MEGF11: variants seen among roughly 807,000 people sequenced by gnomAD.
MEGF11 encodes multiple epidermal growth factor-like domains protein 11.
In MEGF11, 126 loss-of-function variants were observed where a neutral mutation model predicts 146.6. That is an observed-to-expected ratio of 0.86 (90% CI 0.74 to 1.00). The LOEUF (loss-of-function observed/expected upper bound fraction) is 1.00, where lower values mean the gene tolerates loss of function less well. Among genes scored for constraint, MEGF11 ranks in the 50% least tolerant of loss-of-function variants. MEGF11 has a pLI of 0.00. For synonymous variants in MEGF11, 532 were observed against 583.4 expected, an observed-to-expected ratio of 0.91 and a Z score of 1.27; for missense variants, 1,509 against 1,521.2, an observed-to-expected ratio of 0.99 and a Z score of 0.13.
chr15:65,901,109 T>G (rs928763794), intron 24 of MEGF11, among the ~76,000 whole-genome samples: 1 of 152,222 alleles, frequency 6.6e-6, no homozygotes, highest in Non-Finnish European at 1.5e-5. Context: ...GACTGTGACC[T>G]GCCCAAACCA....
intron 5 of MEGF11, among the ~76,000 whole-genome samples, chr15:65,997,510 T>C (rs186293151): frequency 9.3e-4 from 141 of 152,316 alleles, no homozygotes; most frequent in African/African-American, 3.2e-3. Flanking sequence ...TCTTCTTGGA[T>C]TACCCTTTCC....
chr15:65,921,056 GC>G (rs1191109055), intron 15 of MEGF11, among the ~76,000 whole-genome samples: 1 of 152,142 alleles, frequency 6.6e-6, no homozygotes, highest in Non-Finnish European at 1.5e-5. Flanking sequence ...TTTCTCTGGG[GC>G]TCAAACTTCT....
chr15:66,088,053 T>C (rs1057041367), intron 5 of MEGF11, among the ~76,000 whole-genome samples: 6 of 152,226 alleles, frequency 3.9e-5, no homozygotes, highest in African/African-American at 1.4e-4. Flanking sequence ...CCCACCTTTA[T>C]GCACATAAAC....
chr15:65,995,070 T>G (rs1041810468), intron 5 of MEGF11, among the ~76,000 whole-genome samples: 3 of 152,120 alleles, frequency 2.0e-5, no homozygotes, highest in Non-Finnish European at 4.4e-5. Flanking sequence ...CCTTGTGTAA[T>G]GAGTGGGATT....
intron 21 of MEGF11, among the ~76,000 whole-genome samples, chr15:65,911,002 C>T (rs2078787069): frequency 6.6e-6 from 1 of 152,198 alleles, no homozygotes; most frequent in South Asian, 2.1e-4. Context: ...CCCACTCTGC[C>T]TGGTATGGGT....
At position 66,231,318 on chromosome 15, in the gene MEGF11, CT is replaced by C. The variant is rs528381372; in HGVS notation, c.-9+22286del. Among the ~76,000 whole-genome samples, 29 of 152,020 alleles carry C rather than the reference CT, an allele frequency of 1.9e-4. No homozygotes were observed. The South Asian group carries it at 5.9e-3, about 31-fold the overall frequency. ...AGGAGTGTGCTGCAGATGAACCCCC[CT>C]GAGGGCTGACAGAAGTAGGACACAT... On this transcript the variant is annotated intron_variant, in intron 1 of 25. Transcript: ENST00000395614.
intron 10 of MEGF11, among the ~76,000 whole-genome samples, chr15:65,943,649 C>T (rs376312969): frequency 5.2e-4 from 79 of 152,224 alleles, no homozygotes; most frequent in African/African-American, 1.9e-3. Flanking sequence ...TCACCCCCTA[C>T]GTGATCCATG....
At chr15:66,077,625 G>A (rs111890484) in intron 5 of MEGF11, among the ~76,000 whole-genome samples, 73 of 152,306 alleles carry the variant, frequency 4.8e-4, no homozygotes, top group African/African-American at 1.5e-3. Context: ...GTGCCAGGCA[G>A]CATGAGGTGC....
intron 5 of MEGF11, among the ~76,000 whole-genome samples, chr15:66,082,663 ACTCTGTCT>A (rs1483671569): frequency 9.3e-5 from 11 of 117,902 alleles, no homozygotes; most frequent in Non-Finnish European, 1.5e-4. Context: ...ATGGAGCAAG[ACTCTGTCT>A]CAAAAAAAAA....
At chr15:65,920,427 C>A (rs1476413412) in intron 15 of MEGF11, among the ~76,000 whole-genome samples, 1 of 152,230 alleles carries the variant, frequency 6.6e-6, no homozygotes, top group Non-Finnish European at 1.5e-5. Context: ...ATCCCCAAGT[C>A]CTGGCCCTCT....
chr15:66,246,847 T>C (rs2092302991), intron 1 of MEGF11, among the ~76,000 whole-genome samples: 5 of 151,912 alleles, frequency 3.3e-5, no homozygotes, highest in Admixed American at 2.0e-4. Context: ...AATCAGGAGA[T>C]GAAACGTGGC....
At chr15:66,057,989 G>GTT (rs1402766203) in intron 5 of MEGF11, among the ~76,000 whole-genome samples, 2 of 152,184 alleles carry the variant, frequency 1.3e-5, no homozygotes, top group Non-Finnish European at 2.9e-5. Flanking sequence ...CACACAAAAA[G>GTT]AATTTAGAAA....
chr15:66,159,484 C>T (rs570327350), intron 1 of MEGF11, among the ~76,000 whole-genome samples: 10 of 152,284 alleles, frequency 6.6e-5, no homozygotes, highest in Non-Finnish European at 1.5e-4. Context: ...GAGAGGAAAT[C>T]CTTTGAGGCT....
At chr15:66,155,248 G>A (rs973240230) in intron 1 of MEGF11, among the ~76,000 whole-genome samples, 4 of 139,446 alleles carry the variant, frequency 2.9e-5, no homozygotes, top group African/African-American at 6.5e-5. Flanking sequence ...AGACACACAT[G>A]GTGATGCCCC....
At chr15:66,038,166 A>G (rs1345942604) in intron 5 of MEGF11, among the ~76,000 whole-genome samples, 6 of 152,200 alleles carry the variant, frequency 3.9e-5, no homozygotes, top group Admixed American at 2.6e-4. Flanking sequence ...ACTTCCTAGG[A>G]GCACCAGGAA....
intron 5 of MEGF11, among the ~76,000 whole-genome samples, chr15:65,987,107 C>A (rs1167998919): frequency 6.6e-6 from 1 of 152,146 alleles, no homozygotes; most frequent in African/African-American, 2.4e-5. Flanking sequence ...GCCCCTGGGT[C>A]CCCAAGAGGG....
Position 66,191,311 on chromosome 15 carries a change from G to T in MEGF11, c.-9+62294C>A, listed in dbSNP as rs374448913. Reference sequence around the variant, plus strand: ...TTATCGACACATTCTCAAGGCCAAAGCACAAAGGATTCGGCTTTTAAGGTC... The same window carrying T: ...TTATCGACACATTCTCAAGGCCAAATCACAAAGGATTCGGCTTTTAAGGTC... On this transcript the variant is annotated intron_variant, in intron 1 of 25. Transcript: ENST00000395614. Among the ~76,000 whole-genome samples, 4 of 152,208 alleles carry T rather than the reference G, an allele frequency of 2.6e-5. No homozygotes were observed. The East Asian group carries it at 5.8e-4, about 22-fold the overall frequency.
At chr15:66,225,151 G>T (rs954421815) in intron 1 of MEGF11, among the ~76,000 whole-genome samples, 1 of 152,236 alleles carries the variant, frequency 6.6e-6, no homozygotes, top group African/African-American at 2.4e-5. Context: ...TCCCAGCCAA[G>T]GTGAGTGGCC....
intron 1 of MEGF11, among the ~76,000 whole-genome samples, chr15:66,147,536 C>T (rs887216558): frequency 2.0e-5 from 3 of 152,182 alleles, no homozygotes; most frequent in Non-Finnish European, 2.9e-5. Context: ...GAACACTGGC[C>T]AGAGGAAGGG....
Sources: gnomAD v4.1 joint callset for allele counts (sites outside exome capture counted in the v4.1 genomes callset) on GRCh38, gnomAD v4.1.1 for gene constraint, MANE v1.5 for transcripts, NCBI Gene and HGNC (gene_info 2026-07-23, HGNC 2026-07-21) for gene names.